SDK1: variants seen among roughly 807,000 people sequenced by gnomAD.
SDK1 encodes the protein protein sidekick-1.
In SDK1, 157 loss-of-function variants were observed where a neutral mutation model predicts 245.5. That is an observed-to-expected ratio of 0.64 (90% CI 0.56 to 0.73). SDK1 has a LOEUF of 0.73. SDK1 is among the 30% of genes least tolerant of loss of function. The pLI is 0.00. For missense variants in SDK1, 3,583 were observed against 3,002.3 expected, an observed-to-expected ratio of 1.19 and a Z score of -4.52; for synonymous variants, 1,647 against 1,278.5, an observed-to-expected ratio of 1.29 and a Z score of -6.15.
At chr7:3,364,696 A>T (rs925684886) in intron 1 of SDK1, among the ~76,000 whole-genome samples, 1 of 152,184 alleles carries the variant, frequency 6.6e-6, no homozygotes. Context: ...ATAAGCTTTG[A>T]AATCAGGTAC....
At chr7:3,334,631 A>G (rs924190384) in intron 1 of SDK1, among the ~76,000 whole-genome samples, 3 of 151,972 alleles carry the variant, frequency 2.0e-5, no homozygotes, top group African/African-American at 7.3e-5. Context: ...TTCACTTACA[A>G]TCCAGGGCAC....
intron 1 of SDK1, among the ~76,000 whole-genome samples, chr7:3,401,982 A>C (rs2128573660): frequency 6.6e-6 from 1 of 152,280 alleles, no homozygotes; most frequent in South Asian, 2.1e-4. Flanking sequence ...GGAGGTAAGA[A>C]CACCTGCTGA....
chr7:3,992,266 C>A (rs1051396814), intron 14 of SDK1, among the ~76,000 whole-genome samples: 5 of 152,238 alleles, frequency 3.3e-5, no homozygotes, highest in Non-Finnish European at 7.3e-5. Flanking sequence ...ACTGAGCCTG[C>A]ACCCATGTAC....
At position 4,268,078 on chromosome 7, in the gene SDK1, C is replaced by G; in HGVS notation, c.*2694C>G. ...TAAAAAGAGGACAAACAAAATGTCT[C>G]TAAGCCAGGCTAGATGGAATGTGCT... On this transcript the variant is annotated 3_prime_UTR_variant, in exon 45 of 45. Transcript: ENST00000404826. 1.0e-6 allele frequency: 1 copy of G among 985,502 alleles called. No individual in the cohort carries two copies. The highest frequency in any genetic ancestry group is 1.2e-6 in the Non-Finnish European group (1 of 829,972). The allele number at this position is 985,502 out of a possible 1,614,324, so 61.0% of individuals were successfully genotyped here.
intron 1 of SDK1, among the ~76,000 whole-genome samples, chr7:3,506,421 TTTTC>T (rs1782394587): frequency 6.6e-6 from 1 of 152,190 alleles, no homozygotes; most frequent in African/African-American, 2.4e-5. Context: ...TTATCAGGAA[TTTTC>T]TTTGTTATTA....
chr7:3,551,344 G>T (rs1414389429), intron 1 of SDK1, among the ~76,000 whole-genome samples: 1 of 152,086 alleles, frequency 6.6e-6, no homozygotes, highest in South Asian at 2.1e-4. Context: ...AATTTTTAAT[G>T]TTCATATGTT....
intron 25 of SDK1, among the ~76,000 whole-genome samples, chr7:4,115,673 G>A (rs1783660074): frequency 6.6e-6 from 1 of 152,166 alleles, no homozygotes. Context: ...GATGGCCAGG[G>A]CCTGCCCACA....
chr7:3,493,918 A>G (rs1781943154), intron 1 of SDK1, among the ~76,000 whole-genome samples: 1 of 152,266 alleles, frequency 6.6e-6, no homozygotes, highest in African/African-American at 2.4e-5. Context: ...CAATTCAAGC[A>G]GCTCACAAGT....
At chr7:3,451,708 C>T (rs1041398660) in intron 1 of SDK1, among the ~76,000 whole-genome samples, 2 of 152,172 alleles carry the variant, frequency 1.3e-5, no homozygotes, top group Non-Finnish European at 2.9e-5. Context: ...TGAAATTAAA[C>T]AGTACTGTCG....
intron 1 of SDK1, among the ~76,000 whole-genome samples, chr7:3,580,594 C>G (rs1337725675): frequency 1.3e-5 from 2 of 152,046 alleles, no homozygotes; most frequent in Non-Finnish European, 2.9e-5. Flanking sequence ...TAGGCATATG[C>G]AGGGGATTTT....
In SDK1 at chr7:4,149,434, C is replaced by T; in HGVS notation, c.4596C>T (p.Ser1532=). Residue 1532 remains serine (S), a synonymous_variant, in exon 30 of 45, where the codon AGC becomes AGT. Transcript: ENST00000404826. ...GGCAGACCTACTCCTCGTCCATCAGCCATGAGGCGACAGCATGCGTCGTTG... is the reference window on the plus strand; with the variant it reads ...GGCAGACCTACTCCTCGTCCATCAGTCATGAGGCGACAGCATGCGTCGTTG... The part of the protein sequence containing the change: ...GEWQTYSSSI[S]HEATACVVDR... 6.4e-7 allele frequency: 1 copy of T among 1,564,118 alleles called. No homozygotes were observed. Among genetic ancestry groups the T allele is most frequent in the East Asian group, 2.4e-5 (1 of 41,518 alleles).
intron 1 of SDK1, among the ~76,000 whole-genome samples, chr7:3,340,117 C>T (rs1449127516): frequency 6.6e-6 from 1 of 151,764 alleles, no homozygotes; most frequent in Non-Finnish European, 1.5e-5. Context: ...TTTTAATTAG[C>T]TTTTTATTTT....
At chr7:3,444,604 T>C (rs1780292493) in intron 1 of SDK1, among the ~76,000 whole-genome samples, 1 of 152,192 alleles carries the variant, frequency 6.6e-6, no homozygotes, top group Non-Finnish European at 1.5e-5. Context: ...TGTTGTTCGT[T>C]AGTGTTCGCC....
At chr7:3,506,729 A>G (rs1218169911) in intron 1 of SDK1, among the ~76,000 whole-genome samples, 1 of 151,994 alleles carries the variant, frequency 6.6e-6, no homozygotes, top group Non-Finnish European at 1.5e-5. Context: ...CTATATTTAT[A>G]TGCATTTAAC....
chr7:3,479,832 G>C (rs1781457069), intron 1 of SDK1, among the ~76,000 whole-genome samples: 1 of 151,246 alleles, frequency 6.6e-6, no homozygotes, highest in South Asian at 2.1e-4. Flanking sequence ...ACTGCACTCT[G>C]GCTTGGGCAT....
rs114635919 is a variant in SDK1, at chr7:4,191,571, G to A, written c.5098+12985G>A. ...ACTTGCTCAGCAACTTGCTGGCACC[G>A]AAGGGAGCGAGAGAGCCCTGAGGTA... is the stretch of plus-strand genomic sequence containing the variant. On this transcript the variant is annotated intron_variant, in intron 35 of 44. Coordinates refer to ENST00000404826, the MANE Select transcript of SDK1 (RefSeq NM_152744.4). Among the ~76,000 whole-genome samples the A allele has an allele frequency of 9.9e-3, 1,511 of 152,366 alleles. 25 individuals are homozygous for A. Among genetic ancestry groups the A allele is most frequent in the African/African-American group, 0.034 (1,423 of 41,596 alleles).
intron 1 of SDK1, among the ~76,000 whole-genome samples, chr7:3,495,315 TG>T (rs1056791135): frequency 1.1e-4 from 16 of 143,180 alleles, no homozygotes; most frequent in Admixed American, 3.1e-4. Context: ...TGGAGTGCAG[TG>T]TTGCAATCTC....
At chr7:3,567,582 C>T (rs948859613) in intron 1 of SDK1, among the ~76,000 whole-genome samples, 3 of 152,150 alleles carry the variant, frequency 2.0e-5, no homozygotes, top group African/African-American at 7.2e-5. Flanking sequence ...ACAGATGAAG[C>T]TGCAGTTGGA....
At chr7:3,417,360 T>G (rs1232442855) in intron 1 of SDK1, among the ~76,000 whole-genome samples, 1 of 152,208 alleles carries the variant, frequency 6.6e-6, no homozygotes. Context: ...TTCTGCTGCA[T>G]GTGGTCTGAC....
Sources: gnomAD v4.1 joint callset for allele counts (sites outside exome capture counted in the v4.1 genomes callset) on GRCh38, gnomAD v4.1.1 for gene constraint, MANE v1.5 for transcripts, NCBI Gene and HGNC (gene_info 2026-07-23, HGNC 2026-07-21) for gene names.